The following MAP9 variants were observed in gnomAD, a reference collection of about 807,000 sequenced individuals.
MAP9 encodes microtubule associated protein 9, also known as microtubule-associated protein 9.
In MAP9, 80 loss-of-function variants were observed where a neutral mutation model predicts 75.2. The ratio of observed to expected loss-of-function variants is 1.06; its 90% CI spans 0.89 to 1.28. The LOEUF (loss-of-function observed/expected upper bound fraction) is 1.28, where lower values mean the gene tolerates loss of function less well. Among genes scored for constraint, MAP9 ranks in the 50% most tolerant of loss-of-function variants. The pLI, the probability that MAP9 is intolerant of heterozygous loss-of-function variation, is 0.00. For missense variants in MAP9, 753 were observed against 719.9 expected (o/e 1.05, Z -0.53); for synonymous variants, 235 against 237.3 (o/e 0.99, Z 0.09).
intron 5 of MAP9, among the ~76,000 whole-genome samples, chr4:155,363,838 G>C (rs1732200170): frequency 6.6e-6 from 1 of 152,014 alleles, no homozygotes. Flanking sequence ...AAAGATTTAA[G>C]AAATATAAAC....
chr4:155,353,745 T>G (rs1230490984), intron 10 of MAP9, among the ~76,000 whole-genome samples: 1 of 152,030 alleles, frequency 6.6e-6, no homozygotes, highest in African/African-American at 2.4e-5. Flanking sequence ...TAAGTTAGAG[T>G]AAGGCAAATT....
intron 4 of MAP9, among the ~76,000 whole-genome samples, chr4:155,371,663 G>A (rs1321109579): frequency 6.6e-6 from 1 of 151,140 alleles, no homozygotes; most frequent in African/African-American, 2.4e-5. Context: ...GGATCCTGAT[G>A]CCACCTTGTG....
At chr4:155,356,240 C>T (rs1043007380) in intron 8 of MAP9, among the ~76,000 whole-genome samples, 4 of 151,934 alleles carry the variant, frequency 2.6e-5, no homozygotes, top group African/African-American at 9.7e-5. Context: ...GAACTCCAGC[C>T]TGAGCAACAG....
chr4:155,358,696 A>G (rs1265967656), intron 7 of MAP9, among the ~76,000 whole-genome samples: 1 of 152,098 alleles, frequency 6.6e-6, no homozygotes, highest in Non-Finnish European at 1.5e-5. Context: ...TTAAGGTTAT[A>G]ATAATAATGT....
Position 155,353,334 on chromosome 4 carries a change from C to T in MAP9, c.1387G>A (p.Ala463Thr), listed in dbSNP as rs1731608357. The T allele has an allele frequency of 1.0e-5, 16 of 1,557,950 alleles. No individual in the cohort carries two copies. The highest frequency in any genetic ancestry group is 1.1e-5 in the Non-Finnish European group (13 of 1,162,588). ...GCTAATGCTTCTTCTCTTTTAGCAG[C>T]TTTTTTCTACAGTGGAAAAAATAAT... is the stretch of plus-strand genomic sequence containing the variant. ...NLRIQNEQKK[A>T]AKREEALASF... Residue 463 changes from alanine to threonine, a missense_variant, in exon 11 of 14, where the codon GCT becomes ACT. Physicochemically the swap from Ala to Thr is moderately conservative, Grantham distance 58. Transcript: ENST00000311277.
chr4:155,359,446 G>A (rs1731965975), intron 7 of MAP9, among the ~76,000 whole-genome samples: 1 of 152,008 alleles, frequency 6.6e-6, no homozygotes, highest in Admixed American at 6.6e-5. Flanking sequence ...GGAAAGGTGA[G>A]AGGGAGGTGC....
At chr4:155,360,141 A>C in intron 7 of MAP9, 27 bp downstream of exon 7, 1 of 1,594,136 alleles carries the variant, frequency 6.3e-7, no homozygotes. Flanking sequence ...AAGCTGTAGT[A>C]TGAAAAGTAT....
chr4:155,351,742 A>T (rs1380210593), intron 13 of MAP9, among the ~76,000 whole-genome samples: 2 of 151,960 alleles, frequency 1.3e-5, no homozygotes, highest in African/African-American at 2.4e-5. Context: ...GCTCAATTCT[A>T]ACCAGAGAAA....
At position 155,344,233 on chromosome 4, in the gene MAP9, G is replaced by A. The variant is rs994670205; in HGVS notation, c.*3550C>T. 18 of 151,934 alleles carry A rather than the reference G, an allele frequency of 1.2e-4. No homozygotes were observed. Among genetic ancestry groups the A allele is most frequent in the Non-Finnish European group, 1.9e-4 (13 of 67,862 alleles). 9.4% of individuals were successfully genotyped at this position (151,934 alleles called of 1,614,324 possible). On this transcript the variant is annotated 3_prime_UTR_variant, in exon 14 of 14. Transcript: ENST00000311277. Reference sequence around the variant, plus strand: ...CTGGTGGACAGTTATGAAGGCAGCAGTGGAGGAGTAAGGAGATAAATAAGA... The same window carrying A: ...CTGGTGGACAGTTATGAAGGCAGCAATGGAGGAGTAAGGAGATAAATAAGA...
rs776020862 is a variant in MAP9 at position 155,362,076 on chromosome 4, T to G, written c.774A>C (p.Pro258=). Residue 258 remains proline, a synonymous_variant, in exon 6 of 14, where the codon CCA becomes CCC. Coordinates refer to ENST00000311277, the MANE Select transcript of MAP9 (RefSeq NM_001039580.2). ...LKQILGDSFS[P]GSEGNASGKD... is the part of the protein sequence containing the mutation. ...TTCCAGATGCGTTTCCCTCAGATCC[T>G]GGTGAAAAAGAATCTCCAAGAATTT... 1 of 1,601,726 alleles carries G rather than the reference T, an allele frequency of 6.2e-7. No homozygotes were observed. The highest frequency in any genetic ancestry group is 2.2e-5 in the East Asian group (1 of 44,642).
At chr4:155,351,696 G>A (rs904034263) in intron 13 of MAP9, among the ~76,000 whole-genome samples, 3 of 151,828 alleles carry the variant, frequency 2.0e-5, no homozygotes, top group African/African-American at 7.2e-5. Flanking sequence ...GAAAATAATA[G>A]ATAAATGGCC....
chr4:155,357,847 G>A (rs774166695), intron 7 of MAP9, among the ~76,000 whole-genome samples: 3 of 152,096 alleles, frequency 2.0e-5, no homozygotes, highest in Non-Finnish European at 2.9e-5. Flanking sequence ...TCAGAGCTAA[G>A]AGTGCAAAGG....
chr4:155,367,741 A>G (rs1163188803), intron 5 of MAP9, among the ~76,000 whole-genome samples: 1 of 152,218 alleles, frequency 6.6e-6, no homozygotes, highest in Non-Finnish European at 1.5e-5. Flanking sequence ...GCTTCCTAAT[A>G]CTTCCAGTCT....
chr4:155,371,487 A>T (rs1184085544), intron 4 of MAP9, among the ~76,000 whole-genome samples: 3 of 151,798 alleles, frequency 2.0e-5, no homozygotes, highest in African/African-American at 7.3e-5. Context: ...TTCTACAAAA[A>T]TTCCACTTCC....
Position 155,373,229 on chromosome 4 carries a change from A to G in MAP9, c.388T>C (p.Ser130Pro), listed in dbSNP as rs749468121. The G allele has an allele frequency of 2.7e-5, 43 of 1,610,454 alleles. No individual in the cohort carries two copies. The highest frequency in any genetic ancestry group is 3.6e-5 in the Non-Finnish European group (42 of 1,178,518). ...GCEDIVVKSF[S>P]ESQNKDEEFE... ...TCCTCATCCTTATTTTGAGATTCAG[A>G]GAAAGATTTTACAACAATGTCTTCA... Residue 130 changes from serine to proline, a missense_variant, in exon 4 of 14, where the codon TCT becomes CCT. Physicochemically the swap from Ser to Pro is moderately conservative, Grantham distance 74. Transcript: ENST00000311277.
intron 13 of MAP9, chr4:155,349,697 C>G (rs1462354077): frequency 6.6e-6 from 1 of 152,102 alleles, no homozygotes; most frequent in Non-Finnish European, 1.5e-5. Context: ...TTGAGAAAAG[C>G]AAAGCTGTAA....
intron 5 of MAP9, chr4:155,367,671 T>C (rs1457129340): frequency 6.6e-6 from 1 of 152,250 alleles, no homozygotes; most frequent in Non-Finnish European, 1.5e-5. Context: ...GTATATCAAA[T>C]TGTCAGCTTT....
chr4:155,350,360 T>C (rs879796148), intron 13 of MAP9: 11 of 318,898 alleles, frequency 3.4e-5, no homozygotes, highest in Non-Finnish European at 6.6e-5. Flanking sequence ...ACATGTTATT[T>C]TGTCTTTGGT....
intron 5 of MAP9, among the ~76,000 whole-genome samples, chr4:155,366,024 T>C (rs1055848695): frequency 1.3e-5 from 2 of 152,046 alleles, no homozygotes; most frequent in Non-Finnish European, 2.9e-5. Flanking sequence ...TAAAAATGAA[T>C]GAGAAAATTT....
Sources: allele counts gnomAD v4.1 joint callset (sites outside exome capture counted in the v4.1 genomes callset), GRCh38; gene constraint gnomAD v4.1.1; transcripts MANE v1.5; gene names NCBI Gene and HGNC (gene_info 2026-07-23, HGNC 2026-07-21).